RUNX1T1: variants seen among roughly 807,000 people sequenced by gnomAD.
The protein encoded by RUNX1T1 is RUNX1 partner transcriptional co-repressor 1.
Under a neutral mutation model 62.8 loss-of-function variants are expected in RUNX1T1, and 4 were observed. The ratio of observed to expected loss-of-function variants is 0.06; its 90% CI spans 0.03 to 0.15. RUNX1T1 has a LOEUF of 0.15. Ranked by LOEUF, RUNX1T1 falls within the 10% of genes least tolerant of loss-of-function variation. The pLI is 1.00. For synonymous variants in RUNX1T1, 291 were observed against 286.0 expected, an observed-to-expected ratio of 1.02 and a Z score of -0.18; for missense variants, 508 against 754.3, an observed-to-expected ratio of 0.67 and a Z score of 3.82.
At chr8:92,005,445 AATTCTCAGCACTGGGCTACC>A (rs2131026581) in intron 4 of RUNX1T1, 148 bp from the exon 6 acceptor site, 1 of 656,368 alleles carries the variant, frequency 1.5e-6, no homozygotes, top group African/African-American at 1.8e-5. Flanking sequence ...CCACAGGCAC[AATTCTCAGCACTGGGCTACC>A]ATGTGCGCAG....
intron 1 of RUNX1T1, among the ~76,000 whole-genome samples, chr8:92,083,691 C>T (rs1195239897): frequency 6.6e-6 from 1 of 152,166 alleles, no homozygotes; most frequent in Non-Finnish European, 1.5e-5. Context: ...GACAATGTGG[C>T]AATTCCTCAA....
chr8:91,956,697 C>A (rs1012487993), downstream of RUNX1T1: 4 of 225,466 alleles, frequency 1.8e-5, no homozygotes, highest in Non-Finnish European at 3.5e-5. Context: ...ACCCCACCCC[C>A]CAGTGTTAGT....
chr8:92,027,269 ACAT>A (rs1336949235), intron 1 of RUNX1T1, among the ~76,000 whole-genome samples: 9 of 152,222 alleles, frequency 5.9e-5, no homozygotes, highest in Non-Finnish European at 1.3e-4. Context: ...ACTCAAATTT[ACAT>A]GTGCCTGATG....
At chr8:91,987,009 T>C (rs1816708112) in intron 6 of RUNX1T1, 37 bp from the exon 8 acceptor site, 1 of 1,325,668 alleles carries the variant, frequency 7.5e-7, no homozygotes, top group East Asian at 2.3e-5. Context: ...CCCTAAAGCA[T>C]TCAGTACACA....
intron 1 of RUNX1T1, among the ~76,000 whole-genome samples, chr8:92,029,745 C>T: frequency 6.6e-6 from 1 of 152,142 alleles, no homozygotes; most frequent in East Asian, 1.9e-4. Context: ...TCTCACACCA[C>T]ACTGCAATCT....
At chr8:91,987,607 A>G (rs908099431) in intron 6 of RUNX1T1, among the ~76,000 whole-genome samples, 6 of 152,206 alleles carry the variant, frequency 3.9e-5, no homozygotes, top group African/African-American at 1.2e-4. Context: ...ACCAGATATA[A>G]TTTGACAAAT....
chr8:91,978,079 T>C (rs115027602), intron 8 of RUNX1T1, among the ~76,000 whole-genome samples: 6,121 of 152,140 alleles, frequency 0.04, 378 homozygotes, highest in African/African-American at 0.13. Flanking sequence ...ATGCCCAGCC[T>C]ATAAACATTT....
At chr8:91,962,693 A>G (rs1810760261) in intron 10 of RUNX1T1, among the ~76,000 whole-genome samples, 1 of 152,260 alleles carries the variant, frequency 6.6e-6, no homozygotes, top group Admixed American at 6.5e-5. Context: ...TTAGGCTTTT[A>G]GAATAATGCC....
intron 4 of RUNX1T1, 52 bp from the exon 6 acceptor site, chr8:92,005,349 C>A: frequency 6.5e-7 from 1 of 1,532,592 alleles, no homozygotes; most frequent in Non-Finnish European, 8.9e-7. Flanking sequence ...TTCTTCTGTC[C>A]TGTTGACTTA....
chr8:92,079,531 CTG>C (rs1834915225), intron 1 of RUNX1T1, among the ~76,000 whole-genome samples: 1 of 152,336 alleles, frequency 6.6e-6, no homozygotes, highest in South Asian at 2.1e-4. Context: ...AACTGAGACA[CTG>C]TGTGATTTGG....
At chr8:92,053,540 T>C (rs1830552875) in intron 1 of RUNX1T1, among the ~76,000 whole-genome samples, 1 of 152,210 alleles carries the variant, frequency 6.6e-6, no homozygotes. Context: ...TCAGTAAGTA[T>C]AATCAGGATA....
intron 1 of RUNX1T1, among the ~76,000 whole-genome samples, chr8:92,042,851 T>G (rs1187336151): frequency 6.6e-6 from 1 of 152,224 alleles, no homozygotes; most frequent in African/African-American, 2.4e-5. Context: ...AAACACAGCT[T>G]TTCCTTGGGA....
At chr8:92,034,028 T>G (rs1235052245) in intron 1 of RUNX1T1, among the ~76,000 whole-genome samples, 1 of 150,428 alleles carries the variant, frequency 6.6e-6, no homozygotes. Flanking sequence ...AGCTTTGGAG[T>G]GAAGGGGTAA....
chr8:92,061,204 C>T (rs1329634136), intron 1 of RUNX1T1, among the ~76,000 whole-genome samples: 18 of 152,168 alleles, frequency 1.2e-4, no homozygotes, highest in Admixed American at 1.2e-3. Context: ...AACATATAGA[C>T]TCTTCAAAAT....
At position 91,963,688 on chromosome 8, in the gene RUNX1T1, C is replaced by T. The variant is rs548394098; in HGVS notation, c.1459-3171G>A. Among the ~76,000 whole-genome samples the T allele has an allele frequency of 2.6e-5, 4 of 152,352 alleles. No individual in the cohort carries two copies. In the East Asian group the frequency reaches 7.7e-4, roughly 29 times the overall value. ...TGTTCACAAAGGTGGAAATTGCAAA[C>T]TGTGTCTAACAGCCACGTGTCTATC... is the stretch of plus-strand genomic sequence containing the variant. On this transcript the variant is annotated intron_variant, in intron 10 of 10. Transcript: ENST00000396218.
At chr8:91,961,168 G>A (rs903586972) in intron 10 of RUNX1T1, among the ~76,000 whole-genome samples, 2 of 152,218 alleles carry the variant, frequency 1.3e-5, no homozygotes, top group African/African-American at 4.8e-5. Context: ...CTGGAGGACA[G>A]GATCCTCAGT....
chr8:91,960,338 G>T, exon 11 of RUNX1T1: 2 of 1,613,590 alleles, frequency 1.2e-6, no homozygotes, highest in South Asian at 1.1e-5. Flanking sequence ...CAGCCCCGCT[G>T]TTGGGCGTGA....
intron 1 of RUNX1T1, among the ~76,000 whole-genome samples, chr8:92,025,643 G>C (rs1454605100): frequency 1.3e-5 from 2 of 152,302 alleles, no homozygotes; most frequent in South Asian, 4.1e-4. Context: ...CTGCAGCACT[G>C]ATCACACAGT....
At chr8:92,021,694 A>C (rs577711745) in intron 1 of RUNX1T1, among the ~76,000 whole-genome samples, 14 of 152,096 alleles carry the variant, frequency 9.2e-5, no homozygotes, top group African/African-American at 3.4e-4. Context: ...CCCTCATAGG[A>C]ATGTGGTGAA....
Sources: gnomAD v4.1 joint callset for allele counts (sites outside exome capture counted in the v4.1 genomes callset) on GRCh38, gnomAD v4.1.1 for gene constraint, MANE v1.5 for transcripts, NCBI Gene and HGNC (gene_info 2026-07-23, HGNC 2026-07-21) for gene names.